Variants in NKAIN2 observed in about 807,000 individuals in gnomAD.
NKAIN2 encodes the protein sodium/potassium transporting ATPase interacting 2, also known as sodium/potassium-transporting ATPase subunit beta-1-interacting protein 2.
Under a neutral mutation model 32.6 loss-of-function variants are expected in NKAIN2, and 14 were observed. The observed-to-expected ratio is 0.43, with a 90% CI of 0.28 to 0.67. The LOEUF (loss-of-function observed/expected upper bound fraction) is 0.67. NKAIN2 is among the 30% of genes least tolerant of loss of function. The pLI, the probability that NKAIN2 is intolerant of heterozygous loss-of-function variation, is 0.17. For missense variants in NKAIN2, 198 were observed against 258.3 expected (o/e 0.77, Z 1.60); for synonymous variants, 80 against 87.2 (o/e 0.92, Z 0.46).
At chr6:124,142,811 T>G (rs1787210105) in intron 1 of NKAIN2, among the ~76,000 whole-genome samples, 1 of 152,184 alleles carries the variant, frequency 6.6e-6, no homozygotes. Flanking sequence ...GTACTATTTT[T>G]GTGTTAGATA....
rs188838438 is a variant in NKAIN2, at chr6:124,131,158, T to C, written c.55-151847T>C. Among the ~76,000 whole-genome samples, 16 of 152,272 alleles carry C rather than the reference T, an allele frequency of 1.1e-4. No homozygotes were observed. In the East Asian group the frequency reaches 1.5e-3, roughly 15 times the overall value. On this transcript the variant is annotated intron_variant, in intron 1 of 6. Transcript: ENST00000368417. ...TTTTGTTGTTGTTGTTGTTTGTTTG[T>C]TTTTTTGATACAGTCTTCCTCTGTC...
intron 1 of NKAIN2, among the ~76,000 whole-genome samples, chr6:124,172,425 G>A (rs1259637807): frequency 1.3e-5 from 2 of 152,170 alleles, no homozygotes; most frequent in East Asian, 1.9e-4. Flanking sequence ...GTTCTCCTAC[G>A]TAAGTTTCAT....
At chr6:124,212,148 C>G (rs1332537381) in intron 1 of NKAIN2, among the ~76,000 whole-genome samples, 1 of 152,042 alleles carries the variant, frequency 6.6e-6, no homozygotes, top group Non-Finnish European at 1.5e-5. Flanking sequence ...TAGTACAGTT[C>G]TCTAGTGACA....
intron 2 of NKAIN2, among the ~76,000 whole-genome samples, chr6:124,354,254 A>G (rs1301156693): frequency 1.3e-5 from 2 of 152,088 alleles, no homozygotes; most frequent in South Asian, 2.1e-4. Context: ...TATAATAATG[A>G]TCTATTTTTA....
chr6:124,320,926 A>G (rs950147742), intron 2 of NKAIN2, among the ~76,000 whole-genome samples: 1 of 152,198 alleles, frequency 6.6e-6, no homozygotes, highest in Non-Finnish European at 1.5e-5. Context: ...AGCTTCAGCT[A>G]GGAATTACTT....
chr6:124,322,232 A>C (rs1375661214), intron 2 of NKAIN2, among the ~76,000 whole-genome samples: 1 of 152,218 alleles, frequency 6.6e-6, no homozygotes, highest in Non-Finnish European at 1.5e-5. Flanking sequence ...TGATGATTTA[A>C]AAAATAACTC....
At chr6:124,286,665 TGTGTGTGTGCGC>T (rs1562471777) in intron 2 of NKAIN2, among the ~76,000 whole-genome samples, 1 of 123,922 alleles carries the variant, frequency 8.1e-6, no homozygotes, top group African/African-American at 4.7e-5. Context: ...TGTGTGTGTG[TGTGTGTGTGCGC>T]GCGCGTGTGT....
intron 1 of NKAIN2, among the ~76,000 whole-genome samples, chr6:124,167,381 A>T (rs948605232): frequency 1.3e-5 from 2 of 152,080 alleles, no homozygotes; most frequent in East Asian, 3.9e-4. Context: ...ATCCTGAGAC[A>T]TTGCTGAAGT....
At chr6:124,079,402 A>G (rs1479595757) in intron 1 of NKAIN2, among the ~76,000 whole-genome samples, 1 of 152,212 alleles carries the variant, frequency 6.6e-6, no homozygotes. Context: ...AAGATTATTC[A>G]GTGTGGGGTT....
chr6:124,248,430 A>G (rs561733973), intron 1 of NKAIN2, among the ~76,000 whole-genome samples: 2 of 152,146 alleles, frequency 1.3e-5, no homozygotes, highest in East Asian at 3.9e-4. Context: ...CTTTTCCCAA[A>G]TAAACAAATT....
chr6:124,092,762 C>A (rs756613826), intron 1 of NKAIN2, among the ~76,000 whole-genome samples: 1 of 151,940 alleles, frequency 6.6e-6, no homozygotes, highest in African/African-American at 2.4e-5. Context: ...TCCTACAAGT[C>A]TACATATTCT....
intron 3 of NKAIN2, among the ~76,000 whole-genome samples, chr6:124,444,884 A>C (rs1775827780): frequency 6.6e-6 from 1 of 152,042 alleles, no homozygotes; most frequent in African/African-American, 2.4e-5. Context: ...AATGCTTTTA[A>C]ATATTGCTGA....
At chr6:124,006,767 G>A (rs1275681564) in intron 1 of NKAIN2, among the ~76,000 whole-genome samples, 1 of 152,082 alleles carries the variant, frequency 6.6e-6, no homozygotes, top group Non-Finnish European at 1.5e-5. Flanking sequence ...TGGGGTCAGG[G>A]ACATCTCAAC....
chr6:124,400,451 AT>A (rs964167976), intron 3 of NKAIN2, among the ~76,000 whole-genome samples: 1 of 151,990 alleles, frequency 6.6e-6, no homozygotes, highest in African/African-American at 2.4e-5. Flanking sequence ...CTATCTATAT[AT>A]TTTTTTAATT....
intron 3 of NKAIN2, among the ~76,000 whole-genome samples, chr6:124,428,199 C>T (rs892008547): frequency 6.6e-6 from 1 of 152,124 alleles, no homozygotes; most frequent in Non-Finnish European, 1.5e-5. Flanking sequence ...ATTCCTTTCA[C>T]TCCTTCCATC....
chr6:124,151,502 G>A (rs1331244293), intron 1 of NKAIN2, among the ~76,000 whole-genome samples: 1 of 151,880 alleles, frequency 6.6e-6, no homozygotes, highest in Non-Finnish European at 1.5e-5. Context: ...TCTGTCTTTT[G>A]GTGGACATAT....
intron 3 of NKAIN2, among the ~76,000 whole-genome samples, chr6:124,520,372 C>CATGA (rs1779077053): frequency 6.6e-6 from 1 of 152,112 alleles, no homozygotes; most frequent in Non-Finnish European, 1.5e-5. Context: ...CATTGGCTAT[C>CATGA]ATGAGACCCC....
intron 3 of NKAIN2, among the ~76,000 whole-genome samples, chr6:124,645,837 C>G (rs1784148377): frequency 1.3e-5 from 2 of 152,200 alleles, no homozygotes; most frequent in African/African-American, 4.8e-5. Flanking sequence ...CATCTTTGCT[C>G]TGTTCACTCC....
At chr6:124,257,941 G>A (rs777470716) in intron 1 of NKAIN2, among the ~76,000 whole-genome samples, 3 of 151,236 alleles carry the variant, frequency 2.0e-5, no homozygotes, top group Admixed American at 6.6e-5. Context: ...ACCAGCCCCC[G>A]GGTAATTTTT....
Sources: allele counts gnomAD v4.1 joint callset (sites outside exome capture counted in the v4.1 genomes callset), GRCh38; gene constraint gnomAD v4.1.1; transcripts MANE v1.5; gene names NCBI Gene and HGNC (gene_info 2026-07-23, HGNC 2026-07-21).